CNTN5: variants seen among roughly 807,000 people sequenced by gnomAD.
CNTN5 encodes the protein contactin 5.
A neutral mutation model predicts 129.1 loss-of-function variants in CNTN5; 77 were observed. That is an observed-to-expected ratio of 0.60 (90% confidence interval 0.50 to 0.72). The LOEUF is 0.72. Ranked by LOEUF, CNTN5 falls within the 30% of genes least tolerant of loss-of-function variation. The pLI is 0.00. For synonymous variants in CNTN5, 509 were observed against 465.6 expected, an observed-to-expected ratio of 1.09 and a Z score of -1.20; for missense variants, 1,478 against 1,328.8, an observed-to-expected ratio of 1.11 and a Z score of -1.75.
chr11:100,100,713 C>T (rs751499050), intron 13 of CNTN5, among the ~76,000 whole-genome samples: 12 of 152,052 alleles, frequency 7.9e-5, no homozygotes, highest in East Asian at 1.9e-4. Context: ...CTTCTTGGCT[C>T]GTATTACCTG....
At chr11:99,871,700 A>T (rs1310359185) in intron 6 of CNTN5, among the ~76,000 whole-genome samples, 1 of 152,018 alleles carries the variant, frequency 6.6e-6, no homozygotes, top group Non-Finnish European at 1.5e-5. Context: ...ACAGCTTTTG[A>T]TTTGTCCACA....
chr11:99,450,143 G>A (rs1020809479), intron 2 of CNTN5, among the ~76,000 whole-genome samples: 1 of 151,876 alleles, frequency 6.6e-6, no homozygotes, highest in Non-Finnish European at 1.5e-5. Flanking sequence ...AAGAGTTACT[G>A]AAAAGAGCTC....
chr11:99,358,149 C>T (rs1167666925), intron 2 of CNTN5, among the ~76,000 whole-genome samples: 3 of 139,500 alleles, frequency 2.2e-5, no homozygotes, highest in Non-Finnish European at 3.1e-5. Context: ...AGTGCAGTGG[C>T]GCGATCTCGG....
chr11:99,490,339 T>C (rs940874073), intron 2 of CNTN5, among the ~76,000 whole-genome samples: 1 of 152,196 alleles, frequency 6.6e-6, no homozygotes, highest in Non-Finnish European at 1.5e-5. Context: ...GATTCTGTAG[T>C]TTATTACATA....
chr11:100,150,727 G>A (rs1002308593), intron 13 of CNTN5, among the ~76,000 whole-genome samples: 1 of 151,854 alleles, frequency 6.6e-6, no homozygotes, highest in Non-Finnish European at 1.5e-5. Context: ...AGCTGAACTC[G>A]GCTAAGGCTT....
At chr11:99,212,172 T>C in intron 1 of CNTN5, among the ~76,000 whole-genome samples, 1 of 152,114 alleles carries the variant, frequency 6.6e-6, no homozygotes, top group East Asian at 1.9e-4. Flanking sequence ...ATAAGTTGGG[T>C]TGCACGTGTT....
At chr11:99,693,297 G>C (rs1954118371) in intron 3 of CNTN5, among the ~76,000 whole-genome samples, 4 of 151,658 alleles carry the variant, frequency 2.6e-5, no homozygotes, top group Non-Finnish European at 5.9e-5. Flanking sequence ...TACTACAATG[G>C]AATTATAGCT....
chr11:100,265,678 G>A (rs1055931483), intron 17 of CNTN5, among the ~76,000 whole-genome samples: 4 of 152,124 alleles, frequency 2.6e-5, no homozygotes, highest in African/African-American at 9.7e-5. Flanking sequence ...GGCAAATGAA[G>A]TGAGAGGTTC....
At chr11:99,380,061 G>A (rs1321207301) in intron 2 of CNTN5, among the ~76,000 whole-genome samples, 2 of 149,216 alleles carry the variant, frequency 1.3e-5, no homozygotes, top group African/African-American at 5.0e-5. Flanking sequence ...GTATACAATG[G>A]TGGTCTCATA....
chr11:100,233,612 C>A (rs1054842546), intron 16 of CNTN5, among the ~76,000 whole-genome samples: 2 of 152,122 alleles, frequency 1.3e-5, no homozygotes, highest in Admixed American at 6.5e-5. Context: ...ACAAACCTTA[C>A]TGAAAAGTCT....
At chr11:99,994,248 G>A (rs1481848805) in intron 8 of CNTN5, among the ~76,000 whole-genome samples, 1 of 152,032 alleles carries the variant, frequency 6.6e-6, no homozygotes, top group East Asian at 1.9e-4. Flanking sequence ...ACTCATATCA[G>A]TCAATAGTGT....
chr11:100,344,875 ATACC>A (rs2139023749), intron 23 of CNTN5, among the ~76,000 whole-genome samples: 1 of 152,240 alleles, frequency 6.6e-6, no homozygotes, highest in Admixed American at 6.5e-5. Flanking sequence ...ATGTGCATTA[ATACC>A]TCTAGGAATT....
intron 12 of CNTN5, 65 bp from the exon 13 acceptor site, chr11:100,074,079 T>C (rs1238473920): frequency 1.4e-6 from 2 of 1,420,664 alleles, no homozygotes; most frequent in Non-Finnish European, 1.9e-6. Flanking sequence ...AAGATCTTCA[T>C]GAATCACCCA....
chr11:100,257,416 A>C (rs367841980), intron 17 of CNTN5, among the ~76,000 whole-genome samples: 6 of 152,308 alleles, frequency 3.9e-5, no homozygotes, highest in South Asian at 2.1e-4. Flanking sequence ...CAGATCTCCC[A>C]GCGCAGCGCT....
chr11:99,612,007 G>T (rs1431458650), intron 3 of CNTN5, among the ~76,000 whole-genome samples: 1 of 152,116 alleles, frequency 6.6e-6, no homozygotes, highest in South Asian at 2.1e-4. Context: ...ATTGCATTTT[G>T]TATTTTTCAA....
intron 2 of CNTN5, among the ~76,000 whole-genome samples, chr11:99,533,664 G>C (rs537292810): frequency 6.6e-6 from 1 of 152,182 alleles, no homozygotes; most frequent in Non-Finnish European, 1.5e-5. Flanking sequence ...TAAAGATACC[G>C]CTGTTCACTG....
At chr11:99,114,941 A>G (rs144673599) in intron 1 of CNTN5, among the ~76,000 whole-genome samples, 5 of 152,312 alleles carry the variant, frequency 3.3e-5, no homozygotes, top group Admixed American at 6.5e-5. Context: ...TGATTGGACC[A>G]TAAACGCAAA....
intron 6 of CNTN5, among the ~76,000 whole-genome samples, chr11:99,891,094 G>A (rs1949046924): frequency 6.6e-6 from 1 of 152,130 alleles, no homozygotes; most frequent in East Asian, 1.9e-4. Flanking sequence ...GAACAGACCA[G>A]AAAAAATACA....
At chr11:99,208,599 C>A (rs571948946) in intron 1 of CNTN5, among the ~76,000 whole-genome samples, 20 of 152,196 alleles carry the variant, frequency 1.3e-4, no homozygotes, top group Non-Finnish European at 2.6e-4. Flanking sequence ...TAAACACTTA[C>A]TTGATTCCCA....
Sources: gnomAD v4.1 joint callset for allele counts (sites outside exome capture counted in the v4.1 genomes callset) on GRCh38, gnomAD v4.1.1 for gene constraint, MANE v1.5 for transcripts, NCBI Gene and HGNC (gene_info 2026-07-23, HGNC 2026-07-21) for gene names.